Variants in PPP2R5E observed in about 807,000 individuals in gnomAD.
The protein encoded by PPP2R5E is serine/threonine-protein phosphatase 2A 56 kDa regulatory subunit epsilon isoform.
In PPP2R5E, 4 loss-of-function variants were observed where a neutral mutation model predicts 65.3. The observed-to-expected ratio is 0.06, with a 90% CI of 0.03 to 0.14. The LOEUF is 0.14. Among genes scored for constraint, PPP2R5E ranks in the 10% least tolerant of loss-of-function variants. PPP2R5E has a pLI of 1.00. For synonymous variants in PPP2R5E, 183 were observed against 187.4 expected, an observed-to-expected ratio of 0.98 and a Z score of 0.19; for missense variants, 274 against 556.1, an observed-to-expected ratio of 0.49 and a Z score of 5.10.
chr14:63,423,997 TA>T (rs200920586), intron 3 of PPP2R5E, among the ~76,000 whole-genome samples: 27 of 147,428 alleles, frequency 1.8e-4, no homozygotes, highest in Non-Finnish European at 2.1e-4. Context: ...GATTTTTGCT[TA>T]AAAAAAAAAA....
chr14:63,424,361 G>A (rs979018550), intron 3 of PPP2R5E, among the ~76,000 whole-genome samples: 4 of 152,088 alleles, frequency 2.6e-5, no homozygotes, highest in Non-Finnish European at 5.9e-5. Flanking sequence ...GAGCTGGACA[G>A]GTCAGAACCA....
chr14:63,538,530 G>T (rs548504772), intron 2 of PPP2R5E, among the ~76,000 whole-genome samples: 1 of 151,912 alleles, frequency 6.6e-6, no homozygotes, highest in South Asian at 2.1e-4. Context: ...TGGGATTACA[G>T]GCGTGAGCCA....
intron 2 of PPP2R5E, among the ~76,000 whole-genome samples, chr14:63,508,551 T>G (rs146533039): frequency 6.6e-6 from 1 of 152,350 alleles, no homozygotes; most frequent in East Asian, 1.9e-4. Context: ...CCTCTCAATA[T>G]TCCCCTTTTT....
intron 2 of PPP2R5E, among the ~76,000 whole-genome samples, chr14:63,467,924 C>G (rs1177275271): frequency 6.6e-6 from 1 of 152,216 alleles, no homozygotes; most frequent in African/African-American, 2.4e-5. Context: ...CACTTCCTAG[C>G]TGGAAAAGCT....
At chr14:63,429,492 T>C (rs1459179776) in intron 3 of PPP2R5E, among the ~76,000 whole-genome samples, 1 of 152,206 alleles carries the variant, frequency 6.6e-6, no homozygotes, top group East Asian at 1.9e-4. Flanking sequence ...TAAGACCTCA[T>C]CATGCAAGTA....
At chr14:63,471,103 T>C (rs1890105314) in intron 2 of PPP2R5E, among the ~76,000 whole-genome samples, 1 of 152,226 alleles carries the variant, frequency 6.6e-6, no homozygotes, top group African/African-American at 2.4e-5. Context: ...ACTCTCATAT[T>C]ACATAAATCT....
At chr14:63,500,682 T>C (rs1310396409) in intron 2 of PPP2R5E, among the ~76,000 whole-genome samples, 2 of 151,898 alleles carry the variant, frequency 1.3e-5, no homozygotes, top group Admixed American at 6.6e-5. Flanking sequence ...ATAGGCAATA[T>C]AGCAAGACTG....
intron 3 of PPP2R5E, among the ~76,000 whole-genome samples, chr14:63,433,061 A>AG (rs1478093181): frequency 7.7e-6 from 1 of 129,210 alleles, no homozygotes; most frequent in African/African-American, 3.0e-5. Flanking sequence ...TTTTTGAGAC[A>AG]GGGTCTCACT....
intron 3 of PPP2R5E, chr14:63,453,438 G>A (rs1888958117): frequency 3.6e-6 from 1 of 279,498 alleles, no homozygotes; most frequent in Non-Finnish European, 6.6e-6. Context: ...GTAATACCCT[G>A]GCAATCTTGG....
intron 2 of PPP2R5E, among the ~76,000 whole-genome samples, chr14:63,495,780 T>A (rs1045714314): frequency 1.3e-5 from 2 of 151,854 alleles, no homozygotes; most frequent in Non-Finnish European, 2.9e-5. Context: ...AGCCTCAACC[T>A]CCTGCGTGCA....
At chr14:63,497,495 G>GT (rs894672340) in intron 2 of PPP2R5E, among the ~76,000 whole-genome samples, 5 of 152,038 alleles carry the variant, frequency 3.3e-5, no homozygotes, top group African/African-American at 1.2e-4. Flanking sequence ...GCTCCCCCCT[G>GT]TAATTCTAGC....
At chr14:63,393,099 G>C (rs1885117310) in intron 8 of PPP2R5E, among the ~76,000 whole-genome samples, 1 of 152,144 alleles carries the variant, frequency 6.6e-6, no homozygotes, top group Non-Finnish European at 1.5e-5. Context: ...CCTAGAACAG[G>C]AGGCAAAAAG....
chr14:63,474,099 G>T (rs907517276), intron 2 of PPP2R5E, among the ~76,000 whole-genome samples: 2 of 152,236 alleles, frequency 1.3e-5, no homozygotes, highest in African/African-American at 4.8e-5. Context: ...GGAGACTACA[G>T]CTACATAGGA....
At chr14:63,477,341 A>G (rs1890460156) in intron 2 of PPP2R5E, among the ~76,000 whole-genome samples, 1 of 152,180 alleles carries the variant, frequency 6.6e-6, no homozygotes, top group Admixed American at 6.5e-5. Flanking sequence ...TGCTTTAATG[A>G]TAACAACAAC....
intron 4 of PPP2R5E, among the ~76,000 whole-genome samples, chr14:63,420,445 C>T (rs1047630491): frequency 2.0e-5 from 3 of 150,390 alleles, no homozygotes; most frequent in African/African-American, 7.3e-5. Flanking sequence ...TGTCTGGGAC[C>T]TTAAAAAAAA....
chr14:63,434,798 TCTC>T (rs1887874510), intron 3 of PPP2R5E, among the ~76,000 whole-genome samples: 5 of 152,334 alleles, frequency 3.3e-5, no homozygotes, highest in African/African-American at 1.2e-4. Flanking sequence ...TGTTAACTCT[TCTC>T]CTTTATCTGC....
rs575667846 is a variant in PPP2R5E at position 63,458,356 on chromosome 14, T to C, written c.158-4471A>G. On this transcript the variant is annotated intron_variant, in intron 2 of 13. Transcript: ENST00000337537. ...CCTATCTAATGTTTGGGGCACATAATCATGGATCCAATATCACCTCACATT... is the reference window on the plus strand; with the variant it reads ...CCTATCTAATGTTTGGGGCACATAACCATGGATCCAATATCACCTCACATT... 3.3e-5 allele frequency among the ~76,000 whole-genome samples: 5 copies of C among 152,296 alleles called. No homozygotes were observed. The East Asian group carries it at 9.6e-4, about 29-fold the overall frequency.
intron 3 of PPP2R5E, among the ~76,000 whole-genome samples, chr14:63,440,292 G>C (rs2139428946): frequency 6.6e-6 from 1 of 152,114 alleles, no homozygotes; most frequent in East Asian, 1.9e-4. Flanking sequence ...TAAGTGGTAG[G>C]GTAGAGAGAA....
chr14:63,493,219 T>C (rs1259194734), intron 2 of PPP2R5E, among the ~76,000 whole-genome samples: 1 of 151,828 alleles, frequency 6.6e-6, no homozygotes, highest in Non-Finnish European at 1.5e-5. Context: ...TGTTTTTTTT[T>C]TTTAACCCCA....
Sources: gnomAD v4.1 joint callset for allele counts (sites outside exome capture counted in the v4.1 genomes callset) on GRCh38, gnomAD v4.1.1 for gene constraint, MANE v1.5 for transcripts, NCBI Gene and HGNC (gene_info 2026-07-23, HGNC 2026-07-21) for gene names.